Variants in BAZ2B observed in about 807,000 individuals in gnomAD.
The protein encoded by BAZ2B is bromodomain adjacent to zinc finger domain 2B, also known as bromodomain adjacent to zinc finger domain protein 2B.
A neutral mutation model predicts 246.0 loss-of-function variants in BAZ2B; 91 were observed. The ratio of observed to expected loss-of-function variants is 0.37; its 90% CI spans 0.31 to 0.44. BAZ2B has a LOEUF of 0.44. Among genes scored for constraint, BAZ2B ranks in the 20% least tolerant of loss-of-function variants. BAZ2B has a pLI of 1.00. For missense variants in BAZ2B, 2,332 were observed against 2,533.7 expected (o/e 0.92, Z 1.71); for synonymous variants, 855 against 860.0 (o/e 0.99, Z 0.10).
At chr2:159,365,716 G>A (rs1297373331) in intron 27 of BAZ2B, among the ~76,000 whole-genome samples, 1 of 152,186 alleles carries the variant, frequency 6.6e-6, no homozygotes, top group African/African-American at 2.4e-5. Flanking sequence ...TATCCACAGA[G>A]TTTCTCTGGT....
intron 25 of BAZ2B, among the ~76,000 whole-genome samples, chr2:159,378,760 C>T (rs1417028539): frequency 6.6e-6 from 1 of 152,054 alleles, no homozygotes; most frequent in Non-Finnish European, 1.5e-5. Context: ...CATCCCACAC[C>T]TGTTAGGGTA....
intron 16 of BAZ2B, among the ~76,000 whole-genome samples, chr2:159,403,517 G>T (rs2065423861): frequency 6.6e-6 from 1 of 151,998 alleles, no homozygotes; most frequent in Non-Finnish European, 1.5e-5. Flanking sequence ...AAGTATAACA[G>T]AAACAACAGT....
the BAZ2B span, among the ~76,000 whole-genome samples, chr2:159,708,166 C>T: frequency 6.6e-6 from 1 of 151,992 alleles, no homozygotes; most frequent in African/African-American, 2.4e-5. Context: ...TGTGGTGGCA[C>T]ACCTGTAGTC....
chr2:159,699,635 C>T, the BAZ2B span, among the ~76,000 whole-genome samples: 1 of 152,158 alleles, frequency 6.6e-6, no homozygotes, highest in Non-Finnish European at 1.5e-5. Context: ...AAATGCTGTT[C>T]AATATTTTGC....
chr2:159,474,781 G>A (rs550011388), intron 3 of BAZ2B, among the ~76,000 whole-genome samples: 1 of 152,282 alleles, frequency 6.6e-6, no homozygotes, highest in East Asian at 1.9e-4. Flanking sequence ...GCATTTGCTT[G>A]TCTGTAAAAG....
chr2:159,498,362 C>T (rs1321331420), intron 2 of BAZ2B, among the ~76,000 whole-genome samples: 2 of 151,980 alleles, frequency 1.3e-5, no homozygotes, highest in South Asian at 2.1e-4. Flanking sequence ...AATTCCAAGC[C>T]GATTTAGTTC....
chr2:159,670,539 A>G, the BAZ2B span, among the ~76,000 whole-genome samples: 8 of 152,296 alleles, frequency 5.3e-5, no homozygotes, highest in African/African-American at 1.2e-4. Context: ...TATGTATTTT[A>G]TAGTAGTTGT....
At chr2:159,324,553 T>A (rs945030768) in intron 36 of BAZ2B, among the ~76,000 whole-genome samples, 1 of 151,796 alleles carries the variant, frequency 6.6e-6, no homozygotes, top group Non-Finnish European at 1.5e-5. Flanking sequence ...AAAGCAGGTT[T>A]ATTACACGGG....
intron 27 of BAZ2B, among the ~76,000 whole-genome samples, chr2:159,366,129 A>C (rs1243504304): frequency 1.3e-5 from 2 of 152,106 alleles, no homozygotes. Context: ...ATGCTGTGTA[A>C]AACTCTACTC....
At chr2:159,566,034 G>A (rs1682486306) in intron 1 of BAZ2B, among the ~76,000 whole-genome samples, 1 of 151,948 alleles carries the variant, frequency 6.6e-6, no homozygotes, top group Non-Finnish European at 1.5e-5. Flanking sequence ...TTTTTCAGAA[G>A]GAGTTTCGCT....
chr2:159,556,646 G>C (rs1022555793), intron 1 of BAZ2B, among the ~76,000 whole-genome samples: 1 of 152,020 alleles, frequency 6.6e-6, no homozygotes, highest in Non-Finnish European at 1.5e-5. Context: ...ATTTTTTGTA[G>C]AGACAGTGTT....
chr2:159,622,422 T>A, the BAZ2B span, among the ~76,000 whole-genome samples: 6 of 152,080 alleles, frequency 3.9e-5, no homozygotes, highest in African/African-American at 9.7e-5. Flanking sequence ...CTAAAAAAAA[T>A]TATGGGAGGA....
Position 159,386,592 on chromosome 2 carries a change from G to A in BAZ2B, c.3232C>T (p.Pro1078Ser), listed in dbSNP as rs1451688257. The A allele has an allele frequency of 6.2e-7, 1 of 1,600,590 alleles. No homozygotes were observed. The highest frequency in any genetic ancestry group is 2.2e-5 in the East Asian group (1 of 44,708). ...GAGAGAACAAGTCCTGGAATACGAG[G>A]CAACTCTGGCAAAGGCTGAAAATAA... ...LADQKPLPEL[P>S]RIPGLVLSGS... The change falls in exon 22 of 37, where the codon CCT becomes TCT. Residue 1078 changes from proline to serine, a missense_variant. This residue lies in a region of BAZ2B where 328 missense variants were observed against 410.4 expected (regional missense o/e 0.80). Transcript: ENST00000392783.
At chr2:159,584,760 A>C (rs933389343) in intron 1 of BAZ2B, among the ~76,000 whole-genome samples, 1 of 152,186 alleles carries the variant, frequency 6.6e-6, no homozygotes, top group Non-Finnish European at 1.5e-5. Context: ...CAGTATTAAA[A>C]GTGGAGCCTG....
At position 159,412,445 on chromosome 2, in the gene BAZ2B, G is replaced by C. The variant is rs775551964; in HGVS notation, c.2567C>G (p.Ala856Gly). ...GRPPNPDRQR[A>G]REESRMRRRK... is the part of the protein sequence containing the mutation. Reference sequence around the variant, plus strand: ...ACGTCTCATCCTGGATTCCTCTCTTGCTCGTTGTCTATCTGGATTTGGTGG... The same window carrying C: ...ACGTCTCATCCTGGATTCCTCTCTTCCTCGTTGTCTATCTGGATTTGGTGG... Residue 856 changes from alanine (A) to glycine (G), a missense_variant, in exon 14 of 37, where the codon GCA becomes GGA. This residue lies in a region of BAZ2B where 651 missense variants were observed against 650.9 expected (regional missense o/e 1.00). Transcript: ENST00000392783. 6.2e-7 allele frequency: 1 copy of C among 1,614,018 alleles called. No individual in the cohort carries two copies. The highest frequency in any genetic ancestry group is 1.7e-5 in the Admixed American group (1 of 60,014).
chr2:159,372,200 G>C (rs13429025), intron 27 of BAZ2B, among the ~76,000 whole-genome samples: 11 of 152,262 alleles, frequency 7.2e-5, no homozygotes, highest in Admixed American at 5.9e-4. Flanking sequence ...ACAGTGCCTA[G>C]AAATGTCTAG....
At chr2:159,452,153 C>T (rs2075178464) in intron 4 of BAZ2B, among the ~76,000 whole-genome samples, 1 of 152,130 alleles carries the variant, frequency 6.6e-6, no homozygotes, top group South Asian at 2.1e-4. Context: ...CCCTGCTTCC[C>T]AGACAACTGA....
intron 5 of BAZ2B, 46 bp downstream of exon 5, chr2:159,448,190 ATAATAT>A: frequency 6.4e-7 from 1 of 1,563,944 alleles, no homozygotes; most frequent in Non-Finnish European, 8.6e-7. Context: ...CATTATGAAA[ATAATAT>A]TAGAATGGAA....
intron 2 of BAZ2B, among the ~76,000 whole-genome samples, chr2:159,496,440 T>C (rs369281074): frequency 7.0e-6 from 1 of 143,330 alleles, no homozygotes; most frequent in Non-Finnish European, 1.5e-5. Flanking sequence ...GGAGGGCCGA[T>C]TGCACCACTG....
Sources: gnomAD v4.1 joint callset for allele counts (sites outside exome capture counted in the v4.1 genomes callset) on GRCh38, gnomAD v4.1.1 for gene constraint, gnomAD v4.1.1 regional missense constraint, MANE v1.5 for transcripts, NCBI Gene and HGNC (gene_info 2026-07-23, HGNC 2026-07-21) for gene names.